The following SGCZ variants were observed in gnomAD, a reference collection of about 807,000 sequenced individuals.
SGCZ encodes zeta-sarcoglycan.
SGCZ carries 40 observed loss-of-function variants against 41.3 expected under a neutral mutation model. The ratio of observed to expected loss-of-function variants is 0.97; its 90% confidence interval spans 0.75 to 1.26. SGCZ has a LOEUF of 1.26. Among genes scored for constraint, SGCZ ranks in the 50% most tolerant of loss-of-function variants. The pLI, the probability that SGCZ is intolerant of heterozygous loss-of-function variation, is 0.00. For synonymous variants in SGCZ, 206 were observed against 137.5 expected (o/e 1.50, Z -3.49); for missense variants, 552 against 369.8 (o/e 1.49, Z -4.04).
intron 2 of SGCZ, among the ~76,000 whole-genome samples, chr8:14,541,223 T>C (rs1018483755): frequency 2.6e-5 from 4 of 151,988 alleles, no homozygotes. Flanking sequence ...CATGGTGGTT[T>C]GCTGCACCTA....
intron 3 of SGCZ, among the ~76,000 whole-genome samples, chr8:14,243,218 G>C (rs117941913): frequency 1.3e-5 from 2 of 152,028 alleles, no homozygotes; most frequent in African/African-American, 2.4e-5. Context: ...TTGGTATTTT[G>C]TTACCGAAGT....
chr8:14,640,089 G>A (rs573069027), intron 1 of SGCZ, among the ~76,000 whole-genome samples: 1 of 151,660 alleles, frequency 6.6e-6, no homozygotes, highest in South Asian at 2.1e-4. Context: ...TATACTTTAA[G>A]TGCTTTTCCC....
intron 1 of SGCZ, among the ~76,000 whole-genome samples, chr8:14,743,591 A>G (rs1449432695): frequency 1.3e-5 from 2 of 152,106 alleles, no homozygotes; most frequent in East Asian, 3.9e-4. Context: ...GAATCTATAC[A>G]TAAAGATACA....
intron 1 of SGCZ, among the ~76,000 whole-genome samples, chr8:14,918,029 C>T (rs1799488786): frequency 6.6e-6 from 1 of 152,224 alleles, no homozygotes; most frequent in Admixed American, 6.5e-5. Flanking sequence ...AAAATGCCCT[C>T]TTGGCAAGTA....
At chr8:14,137,549 T>C (rs1213435925) in intron 5 of SGCZ, among the ~76,000 whole-genome samples, 1 of 152,138 alleles carries the variant, frequency 6.6e-6, no homozygotes, top group African/African-American at 2.4e-5. Context: ...CTTCTGTAGA[T>C]GATTCAATCA....
At chr8:14,283,868 T>G (rs1309758476) in intron 3 of SGCZ, among the ~76,000 whole-genome samples, 1 of 152,194 alleles carries the variant, frequency 6.6e-6, no homozygotes, top group East Asian at 1.9e-4. Context: ...TTAAACTAGT[T>G]TACATTAAAA....
intron 1 of SGCZ, among the ~76,000 whole-genome samples, chr8:14,974,489 AG>A (rs1486158302): frequency 3.9e-5 from 6 of 152,154 alleles, no homozygotes. Context: ...CCTAGGTGCT[AG>A]CTTAGTGATT....
intron 3 of SGCZ, among the ~76,000 whole-genome samples, chr8:14,256,091 T>C (rs1799455136): frequency 1.3e-5 from 2 of 152,138 alleles, no homozygotes; most frequent in Admixed American, 1.3e-4. Flanking sequence ...CTTTGTTTAA[T>C]AGATATATTT....
At chr8:14,413,871 G>A (rs907872868) in intron 2 of SGCZ, among the ~76,000 whole-genome samples, 1 of 151,902 alleles carries the variant, frequency 6.6e-6, no homozygotes, top group African/African-American at 2.4e-5. Flanking sequence ...TTTGTTCTCT[G>A]ATATATCCAG....
intron 3 of SGCZ, chr8:14,309,815 G>A: frequency 2.2e-6 from 3 of 1,390,776 alleles, no homozygotes; most frequent in Non-Finnish European, 1.9e-6. Flanking sequence ...TATAAGAGAA[G>A]TCTCATTCGC....
intron 1 of SGCZ, among the ~76,000 whole-genome samples, chr8:14,777,698 G>A (rs1415438841): frequency 6.6e-6 from 1 of 152,040 alleles, no homozygotes; most frequent in Non-Finnish European, 1.5e-5. Flanking sequence ...GACTCCAAAT[G>A]GTTTAGAAAA....
intron 1 of SGCZ, among the ~76,000 whole-genome samples, chr8:14,667,995 C>A (rs923110595): frequency 6.6e-6 from 1 of 152,128 alleles, no homozygotes; most frequent in African/African-American, 2.4e-5. Flanking sequence ...CTCACTCTGT[C>A]GCCCAGGCTG....
intron 1 of SGCZ, among the ~76,000 whole-genome samples, chr8:15,127,645 A>T (rs1439786138): frequency 6.6e-6 from 1 of 152,178 alleles, no homozygotes; most frequent in Non-Finnish European, 1.5e-5. Flanking sequence ...CACTTCTTGG[A>T]TATTTTTTCA....
chr8:14,269,601 C>A (rs1297766586), intron 3 of SGCZ, among the ~76,000 whole-genome samples: 2 of 152,128 alleles, frequency 1.3e-5, no homozygotes, highest in Non-Finnish European at 2.9e-5. Context: ...TTATGTGACC[C>A]AGATTGCCTT....
At chr8:15,137,581 A>C (rs1456128291) in intron 1 of SGCZ, among the ~76,000 whole-genome samples, 1 of 152,154 alleles carries the variant, frequency 6.6e-6, no homozygotes, top group Admixed American at 6.5e-5. Flanking sequence ...CCTGTGTCCC[A>C]GATGCTCCAG....
chr8:14,315,531 A>G (rs1801686772), intron 3 of SGCZ, among the ~76,000 whole-genome samples: 1 of 152,114 alleles, frequency 6.6e-6, no homozygotes, highest in South Asian at 2.1e-4. Context: ...GCACAATTTA[A>G]TAGTAACTCC....
rs527262000 is a variant in SGCZ, at chr8:15,228,142, A to C, written c.39+9443T>G. On this transcript the variant is annotated intron_variant, in intron 1 of 7. Transcript: ENST00000382080. ...ATTAAGAGCTATTAATGTTTTAGGA[A>C]ATAAATGAAACAAATACGTATGTAA... is the stretch of plus-strand genomic sequence containing the variant. 3.3e-5 allele frequency among the ~76,000 whole-genome samples: 5 copies of C among 152,358 alleles called. No homozygotes were observed. The South Asian group carries it at 8.3e-4, about 25-fold the overall frequency.
At chr8:14,455,870 C>T (rs1268525865) in intron 2 of SGCZ, among the ~76,000 whole-genome samples, 2 of 152,114 alleles carry the variant, frequency 1.3e-5, no homozygotes, top group Admixed American at 1.3e-4. Context: ...TTGCAGTATG[C>T]TACCTCTCAT....
intron 4 of SGCZ, among the ~76,000 whole-genome samples, chr8:14,200,906 G>C (rs906059930): frequency 5.3e-5 from 8 of 151,976 alleles, no homozygotes; most frequent in Admixed American, 1.3e-4. Context: ...TGATAAACTT[G>C]GCCTCAAAGC....
Sources: allele counts gnomAD v4.1 joint callset (sites outside exome capture counted in the v4.1 genomes callset), GRCh38; gene constraint gnomAD v4.1.1; transcripts MANE v1.5; gene names NCBI Gene and HGNC (gene_info 2026-07-23, HGNC 2026-07-21).